The following FBXL13 variants were observed in gnomAD, a reference collection of about 807,000 sequenced individuals.
FBXL13 encodes F-box and leucine rich repeat protein 13.
FBXL13 carries 67 observed loss-of-function variants against 83.6 expected under a neutral mutation model. The ratio of observed to expected loss-of-function variants is 0.80; its 90% CI spans 0.66 to 0.98. The LOEUF (loss-of-function observed/expected upper bound fraction) is 0.98, where lower values mean the gene tolerates loss of function less well. Among genes scored for constraint, FBXL13 ranks in the 50% least tolerant of loss-of-function variants. The pLI is 0.00. For synonymous variants in FBXL13, 272 were observed against 299.5 expected (o/e 0.91, Z 0.95); for missense variants, 822 against 866.5 (o/e 0.95, Z 0.64).
At chr7:102,913,417 C>A (rs1281271477) in intron 10 of FBXL13, among the ~76,000 whole-genome samples, 1 of 152,118 alleles carries the variant, frequency 6.6e-6, no homozygotes, top group African/African-American at 2.4e-5. Flanking sequence ...ACATTTAATA[C>A]CTTGTAATAC....
At chr7:102,898,171 C>T (rs1361168553) in intron 11 of FBXL13, among the ~76,000 whole-genome samples, 1 of 151,746 alleles carries the variant, frequency 6.6e-6, no homozygotes, top group Admixed American at 6.6e-5. Flanking sequence ...CTCCTATACA[C>T]ACACACACAT....
chr7:102,888,431 CA>C (rs1811085537), intron 11 of FBXL13, among the ~76,000 whole-genome samples: 2 of 152,232 alleles, frequency 1.3e-5, no homozygotes, highest in Admixed American at 6.5e-5. Context: ...CCCAGCTACT[CA>C]GGAGGCTGAG....
chr7:102,919,930 C>T (rs847653), intron 10 of FBXL13, among the ~76,000 whole-genome samples: 4,310 of 152,254 alleles, frequency 0.028, 220 homozygotes, highest in African/African-American at 0.098. Flanking sequence ...GTTAAGACTA[C>T]ATACTCATTA....
At chr7:102,877,642 G>A (rs772552545) in intron 15 of FBXL13, 49 bp from the exon 17 acceptor site, 6 of 1,556,764 alleles carry the variant, frequency 3.9e-6, no homozygotes, top group South Asian at 1.2e-5. Context: ...CATATTGTCA[G>A]TAAGCAATTT....
chr7:102,834,473 A>ATATG (rs1491519097), intron 17 of FBXL13: 240 of 141,538 alleles, frequency 1.7e-3, no homozygotes, highest in African/African-American at 6.2e-3. Context: ...ATATATATAT[A>ATATG]TGTGATGTGG....
chr7:103,017,404 A>C (rs1792486579), intron 6 of FBXL13, among the ~76,000 whole-genome samples: 1 of 152,218 alleles, frequency 6.6e-6, no homozygotes, highest in Non-Finnish European at 1.5e-5. Context: ...TGAAAATTCT[A>C]AAAATCAGAG....
At chr7:103,031,901 C>T (rs1308880382) in intron 2 of FBXL13, among the ~76,000 whole-genome samples, 1 of 152,150 alleles carries the variant, frequency 6.6e-6, no homozygotes. Flanking sequence ...GGCTCACTTC[C>T]CAAGATTCCT....
intron 11 of FBXL13, among the ~76,000 whole-genome samples, chr7:102,901,335 G>A (rs150082922): frequency 6.6e-6 from 1 of 152,234 alleles, no homozygotes; most frequent in African/African-American, 2.4e-5. Context: ...TTTGATACAG[G>A]CATGCAATGT....
At chr7:102,958,229 CT>C (rs1479242766) in intron 8 of FBXL13, among the ~76,000 whole-genome samples, 2 of 152,070 alleles carry the variant, frequency 1.3e-5, no homozygotes, top group Non-Finnish European at 2.9e-5. Flanking sequence ...AGTGCATGTC[CT>C]TTGCAGGGAC....
chr7:103,025,200 A>C (rs770784304), exon 6 of FBXL13: 2 of 1,580,994 alleles, frequency 1.3e-6, no homozygotes, highest in Non-Finnish European at 1.7e-6. Flanking sequence ...CTATTTTTCC[A>C]TTTTTTCAAT....
chr7:102,970,332 ATAAAT>A (rs1826491815), intron 6 of FBXL13, among the ~76,000 whole-genome samples: 1 of 152,170 alleles, frequency 6.6e-6, no homozygotes, highest in South Asian at 2.1e-4. Flanking sequence ...AGAAATAATA[ATAAAT>A]TCATTTTTTT....
chr7:102,846,207 T>A (rs1803918287), intron 17 of FBXL13, among the ~76,000 whole-genome samples: 2 of 152,296 alleles, frequency 1.3e-5, no homozygotes, highest in Admixed American at 1.3e-4. Flanking sequence ...TAAAAAAAAA[T>A]TATAATGATT....
chr7:103,053,666 G>A (rs1175433758), intron 2 of FBXL13, among the ~76,000 whole-genome samples: 1 of 152,128 alleles, frequency 6.6e-6, no homozygotes, highest in Non-Finnish European at 1.5e-5. Flanking sequence ...TGGAGTATAG[G>A]AGTAGGCATA....
intron 6 of FBXL13, among the ~76,000 whole-genome samples, chr7:103,012,992 T>C (rs776666587): frequency 2.0e-5 from 3 of 152,204 alleles, no homozygotes; most frequent in Non-Finnish European, 2.9e-5. Flanking sequence ...GGGGCTGCTA[T>C]TCTAATTCCA....
chr7:102,969,988 C>T (rs1312903028), intron 6 of FBXL13, among the ~76,000 whole-genome samples: 2 of 152,208 alleles, frequency 1.3e-5, no homozygotes, highest in African/African-American at 4.8e-5. Context: ...CAGTGGCTCA[C>T]ACCTATAATT....
intron 11 of FBXL13, among the ~76,000 whole-genome samples, chr7:102,888,745 C>T (rs1811127696): frequency 6.6e-6 from 1 of 151,772 alleles, no homozygotes; most frequent in African/African-American, 2.4e-5. Context: ...TTTTGTACTG[C>T]TATGAATTCT....
chr7:102,871,115 A>G (rs1808462042), intron 16 of FBXL13, among the ~76,000 whole-genome samples: 1 of 151,886 alleles, frequency 6.6e-6, no homozygotes, highest in South Asian at 2.1e-4. Flanking sequence ...ATGTTCTGCT[A>G]TGTTCTTCCT....
chr7:102,825,080 A>T (rs905534523), intron 18 of FBXL13, among the ~76,000 whole-genome samples: 1 of 152,120 alleles, frequency 6.6e-6, no homozygotes, highest in African/African-American at 2.4e-5. Flanking sequence ...TCAAGTTTTT[A>T]CTATTTAAAT....
intron 2 of FBXL13, among the ~76,000 whole-genome samples, 158 bp downstream of exon 3, chr7:103,054,930 G>A (rs1797192294): frequency 6.6e-6 from 1 of 152,112 alleles, no homozygotes; most frequent in Non-Finnish European, 1.5e-5. Context: ...GGCTTTGCAT[G>A]CGTCTGTGTA....
Sources: gnomAD v4.1 joint callset for allele counts (sites outside exome capture counted in the v4.1 genomes callset) on GRCh38, gnomAD v4.1.1 for gene constraint, MANE v1.5 for transcripts, NCBI Gene and HGNC (gene_info 2026-07-23, HGNC 2026-07-21) for gene names.